Variants in GLYR1 observed in about 807,000 individuals in gnomAD.
GLYR1 encodes the protein cytokine-like nuclear factor N-PAC.
A neutral mutation model predicts 72.7 loss-of-function variants in GLYR1; 21 were observed. The ratio of observed to expected loss-of-function variants is 0.29; its 90% CI spans 0.20 to 0.42. The LOEUF is 0.42. Among genes scored for constraint, GLYR1 ranks in the 10% least tolerant of loss-of-function variants. GLYR1 has a pLI of 1.00. For synonymous variants in GLYR1, 392 were observed against 270.2 expected, an observed-to-expected ratio of 1.45 and a Z score of -4.42; for missense variants, 594 against 712.1, an observed-to-expected ratio of 0.83 and a Z score of 1.89.
chr16:4,840,581 T>A (rs2085477435), intron 3 of GLYR1, among the ~76,000 whole-genome samples: 1 of 151,996 alleles, frequency 6.6e-6, no homozygotes, highest in African/African-American at 2.4e-5. Flanking sequence ...AGTCTCCATC[T>A]CTCTCAGTTT....
At chr16:4,820,020 C>G (rs2141981361) in intron 9 of GLYR1, among the ~76,000 whole-genome samples, 1 of 152,152 alleles carries the variant, frequency 6.6e-6, no homozygotes, top group Admixed American at 6.5e-5. Context: ...TTTTTTGAGA[C>G]ACAGTCTCGT....
chr16:4,821,486 T>C, intron 8 of GLYR1, 33 bp from the exon 9 acceptor site: 3 of 1,614,068 alleles, frequency 1.9e-6, no homozygotes, highest in South Asian at 2.2e-5. Flanking sequence ...ATCAAGTCAG[T>C]CTGCCTGCAG....
At chr16:4,839,150 G>C (rs2085362667) in intron 3 of GLYR1, 1 of 152,814 alleles carries the variant, frequency 6.5e-6, no homozygotes, top group Admixed American at 6.5e-5. Flanking sequence ...GGAGAAGATG[G>C]CAGGGGGAGG....
At chr16:4,811,069 C>CACT in intron 15 of GLYR1, 101 bp downstream of exon 15, 1 of 1,428,416 alleles carries the variant, frequency 7.0e-7, no homozygotes, top group Non-Finnish European at 9.4e-7. Context: ...CGCACCAGTG[C>CACT]ACTCTAGCCT....
intron 5 of GLYR1, 74 bp downstream of exon 5, chr16:4,831,905 A>T: frequency 6.5e-7 from 1 of 1,544,028 alleles, no homozygotes; most frequent in South Asian, 1.3e-5. Context: ...CTACATAAGC[A>T]TACTGTAGAG....
intron 5 of GLYR1, among the ~76,000 whole-genome samples, chr16:4,829,129 C>A (rs368571291): frequency 8.7e-4 from 132 of 152,164 alleles, no homozygotes; most frequent in African/African-American, 3.1e-3. Context: ...AGGGACAGCA[C>A]TGCCACCCTT....
chr16:4,821,326 C>T (rs1169070262), intron 9 of GLYR1, 54 bp downstream of exon 9: 14 of 1,589,714 alleles, frequency 8.8e-6, no homozygotes, highest in African/African-American at 1.3e-5. Flanking sequence ...GTCACCTTCT[C>T]CCCACCCTCA....
chr16:4,831,540 T>G lies in GLYR1; in HGVS notation c.537+439A>C, dbSNP rs141463056. Among the ~76,000 whole-genome samples the G allele has an allele frequency of 2.1e-4, 32 of 152,342 alleles. 1 individual carries two copies. The East Asian group carries it at 3.7e-3, about 17-fold the overall frequency. On this transcript the variant is annotated intron_variant, in intron 5 of 15. Coordinates refer to ENST00000321919, the MANE Select transcript of GLYR1 (RefSeq NM_032569.4). ...CCCTCCATCTTTGGAATGCCTACCC[T>G]TCTTTCTTGCTAAGCCCCTCCCAGG...
At chr16:4,810,129 G>A (rs2083242204) in intron 15 of GLYR1, among the ~76,000 whole-genome samples, 1 of 152,046 alleles carries the variant, frequency 6.6e-6, no homozygotes, top group Non-Finnish European at 1.5e-5. Context: ...GACATTTAAA[G>A]ATTTATATAC....
chr16:4,836,606 G>A (rs2085149177), intron 3 of GLYR1, among the ~76,000 whole-genome samples: 1 of 152,150 alleles, frequency 6.6e-6, no homozygotes, highest in Non-Finnish European at 1.5e-5. Context: ...ATCTGGCTAC[G>A]TGGAGATGAG....
rs1436941370 is a variant in GLYR1 at position 4,832,205 on chromosome 16, G to C, written c.311C>G (p.Ser104Cys). Residue 104 changes from serine (S) to cysteine (C), a missense_variant, in exon 5 of 16, where the codon TCT becomes TGT. By Grantham distance (112) the Ser-to-Cys change is moderately radical. This residue lies in a region of GLYR1 where 252 missense variants were observed against 211.3 expected (regional missense o/e 1.19). Transcript: ENST00000321919. ...KGKDQTSSHN[S>C]SDDKNRRNSS... Reference sequence around the variant, plus strand: ...ATTACGTCGATTCTTGTCATCAGAAGAATTGTGGGATGACGTCTGAAAGTT... The same window carrying C: ...ATTACGTCGATTCTTGTCATCAGAACAATTGTGGGATGACGTCTGAAAGTT... 1 of 1,614,010 alleles carries C rather than the reference G, an allele frequency of 6.2e-7. No homozygotes were observed. The highest frequency in any genetic ancestry group is 8.5e-7 in the Non-Finnish European group (1 of 1,179,980).
At chr16:4,829,676 T>A (rs916543444) in intron 5 of GLYR1, among the ~76,000 whole-genome samples, 1 of 148,146 alleles carries the variant, frequency 6.8e-6, no homozygotes, top group South Asian at 2.1e-4. Context: ...TTATATTAAA[T>A]TTTTTTTTTT....
chr16:4,846,128 T>C (rs1268767731), intron 2 of GLYR1, 46 bp downstream of exon 2: 2 of 1,608,270 alleles, frequency 1.2e-6, no homozygotes, highest in Admixed American at 3.3e-5. Context: ...TCTCCACCTC[T>C]TCAAACCCAA....
chr16:4,805,549 C>G (rs1215848468), intron 15 of GLYR1, among the ~76,000 whole-genome samples: 4 of 152,244 alleles, frequency 2.6e-5, no homozygotes, highest in Non-Finnish European at 5.9e-5. Context: ...ATGAAATACA[C>G]TATGGGATAT....
Position 4,811,724 on chromosome 16 carries a change from C to T in GLYR1, c.1361G>A (p.Gly454Glu). Reference sequence around the variant, plus strand: ...GCCTGTCACCTGGGCCAGGGTCAGCCCCTCGGCAATAGTGGCCATGAAGCT... The same window carrying T: ...GCCTGTCACCTGGGCCAGGGTCAGCTCCTCGGCAATAGTGGCCATGAAGCT... ...QGSFMATIAE[G>E]LTLAQVTGQS... Residue 454 changes from glycine (G) to glutamate (E), a missense_variant, in exon 14 of 16, where the codon GGG becomes GAG. Transcript: ENST00000321919. 1.2e-6 allele frequency: 2 copies of T among 1,614,138 alleles called. No homozygotes were observed. Among genetic ancestry groups the T allele is most frequent in the Non-Finnish European group, 1.7e-6 (2 of 1,180,006 alleles).
At position 4,826,106 on chromosome 16, in the gene GLYR1, G is replaced by A. The variant is rs527466117; in HGVS notation, c.538-2199C>T. ...GCTGTCACCCAGGCTGGAGTGCAGT[G>A]ACTCAATTATGGCTCACTGCAGCCT... On this transcript the variant is annotated intron_variant, in intron 5 of 15. Coordinates refer to ENST00000321919, the MANE Select transcript of GLYR1 (RefSeq NM_032569.4). 3.4e-4 allele frequency among the ~76,000 whole-genome samples: 51 copies of A among 152,124 alleles called. No homozygotes were observed. The South Asian group carries it at 0.01, about 30-fold the overall frequency.
rs140155742 is a variant in GLYR1, at chr16:4,814,537, G to A, written c.1017C>T (p.Asp339=). The A allele has an allele frequency of 4.5e-4, 724 of 1,612,706 alleles. 2 individuals carry two copies. The highest frequency in any genetic ancestry group is 2.6e-3 in the Middle Eastern group (14 of 5,378). The part of the protein sequence containing the change: ...ACVSDPKAAK[D]LVLGPSGVLQ... ...CTGAGGGGAGGGAGGGGGTCCTTAC[G>A]TCCTTGGCCGCCTTGGGATCCGACA... Residue 339 remains aspartate, a splice_region_variant and synonymous_variant, in exon 11 of 16, where the codon GAC becomes GAT. Coordinates refer to ENST00000321919, the MANE Select transcript of GLYR1 (RefSeq NM_032569.4).
At chr16:4,847,016 G>A in intron 1 of GLYR1, 1 of 561,712 alleles carries the variant, frequency 1.8e-6, no homozygotes, top group Non-Finnish European at 3.1e-6. Flanking sequence ...GGGGATCAAA[G>A]CCGGTGCCCG....
At position 4,837,805 on chromosome 16, in the gene GLYR1, C is replaced by T. The variant is rs2085249660; in HGVS notation, c.156-4893G>A. 2.0e-5 allele frequency among the ~76,000 whole-genome samples: 3 copies of T among 152,106 alleles called. No homozygotes were observed. In the South Asian group the frequency reaches 6.2e-4, roughly 32 times the overall value. Reference sequence around the variant, plus strand: ...AATTAGCTAGGTGCGGTGGCATGCGCCTGTAATCCCAGCTACTCCGGAGGC... The same window carrying T: ...AATTAGCTAGGTGCGGTGGCATGCGTCTGTAATCCCAGCTACTCCGGAGGC... On this transcript the variant is annotated intron_variant, in intron 3 of 15. Coordinates refer to ENST00000321919, the MANE Select transcript of GLYR1 (RefSeq NM_032569.4).
Sources: allele counts gnomAD v4.1 joint callset (sites outside exome capture counted in the v4.1 genomes callset), GRCh38; gene constraint gnomAD v4.1.1; regional missense constraint gnomAD v4.1.1; transcripts MANE v1.5; gene names NCBI Gene and HGNC (gene_info 2026-07-23, HGNC 2026-07-21).